The following DIMT1 variants were observed in gnomAD, a reference collection of about 807,000 sequenced individuals.
The protein encoded by DIMT1 is DIM1 rRNA methyltransferase and ribosome maturation factor, also known as dimethyladenosine transferase.
Under a neutral mutation model 43.2 loss-of-function variants are expected in DIMT1, and 36 were observed. That is an observed-to-expected ratio of 0.83 (90% CI 0.64 to 1.10). The LOEUF is 1.10. DIMT1 is among the 50% of genes least tolerant of loss of function. DIMT1 has a pLI of 0.00. For missense variants in DIMT1, 341 were observed against 385.3 expected (o/e 0.88, Z 0.96); for synonymous variants, 126 against 130.3 (o/e 0.97, Z 0.22).
At chr5:62,393,631 T>G (rs770417259) in intron 8 of DIMT1, among the ~76,000 whole-genome samples, 6 of 152,178 alleles carry the variant, frequency 3.9e-5, no homozygotes, top group Non-Finnish European at 8.8e-5. Flanking sequence ...TCAAGTGGTC[T>G]TCTTTCTTGT....
At chr5:62,399,968 G>C (rs1195560346) in intron 3 of DIMT1, among the ~76,000 whole-genome samples, 1 of 152,026 alleles carries the variant, frequency 6.6e-6, no homozygotes, top group Non-Finnish European at 1.5e-5. Context: ...GATTATGTGA[G>C]AGTTCTACTC....
chr5:62,392,253 A>G lies in DIMT1; in HGVS notation c.729-19T>C, dbSNP rs748522701. 2.4e-5 allele frequency: 39 copies of G among 1,604,670 alleles called. 1 individual carries two copies. The highest frequency in any genetic ancestry group is 2.7e-5 in the Non-Finnish European group (32 of 1,175,750). ...ACTTGATCTATAGCATAAAGAAGTGATGCCACTGTTATTATTCCAAAGTCA... is the reference window on the plus strand; with the variant it reads ...ACTTGATCTATAGCATAAAGAAGTGGTGCCACTGTTATTATTCCAAAGTCA... On this transcript the variant is annotated intron_variant, in intron 9 of 11. Transcript: ENST00000199320.
At position 62,403,826 on chromosome 5, in the gene DIMT1, C is replaced by T; in HGVS notation, c.-54G>A. 1.3e-6 allele frequency: 2 copies of T among 1,570,282 alleles called. No individual in the cohort carries two copies. The highest frequency in any genetic ancestry group is 1.7e-6 in the Non-Finnish European group (2 of 1,154,202). ...GGACGTCAAGGAGGACCAAAGAGGG[C>T]TAGCGTGAGAAAGCCACCACGTGGG... On this transcript the variant is annotated 5_prime_UTR_variant, in exon 1 of 12. Transcript: ENST00000199320.
At chr5:62,394,416 A>T in intron 7 of DIMT1, 68 bp downstream of exon 7, 3 of 1,549,376 alleles carry the variant, frequency 1.9e-6, no homozygotes, top group Non-Finnish European at 2.7e-6. Context: ...GAGCCACTGC[A>T]CTGCAGCCTG....
At chr5:62,389,920 T>C (rs1048707803) in intron 11 of DIMT1, among the ~76,000 whole-genome samples, 5 of 152,188 alleles carry the variant, frequency 3.3e-5, no homozygotes, top group African/African-American at 1.2e-4. Flanking sequence ...GGCTGGCCCA[T>C]AGAAACAGGT....
intron 6 of DIMT1, among the ~76,000 whole-genome samples, chr5:62,396,652 T>C (rs1018517208): frequency 4.6e-5 from 7 of 152,152 alleles, no homozygotes; most frequent in African/African-American, 9.7e-5. Flanking sequence ...TGGGGAAGCT[T>C]TCCCAGGAGT....
At chr5:62,397,657 T>A (rs1038704413) in intron 6 of DIMT1, among the ~76,000 whole-genome samples, 14 of 152,212 alleles carry the variant, frequency 9.2e-5, no homozygotes, top group African/African-American at 2.7e-4. Flanking sequence ...ATAAACTTTT[T>A]TTTTTTTTTG....
intron 11 of DIMT1, among the ~76,000 whole-genome samples, chr5:62,389,389 G>A (rs1287028521): frequency 6.7e-6 from 1 of 149,626 alleles, no homozygotes; most frequent in Non-Finnish European, 1.5e-5. Context: ...GGGTGGTTGA[G>A]GCAGGAGATT....
rs562615912 is a variant in DIMT1, at chr5:62,394,360, C to T, written c.570+124G>A. 1,808 of 1,050,706 alleles carry T rather than the reference C, an allele frequency of 1.7e-3. No individual in the cohort carries two copies. The highest frequency in any genetic ancestry group is 2.3e-3 in the Non-Finnish European group (1,593 of 706,468). 65.1% of individuals were successfully genotyped at this position (1,050,706 alleles called of 1,614,324 possible). On this transcript the variant is annotated intron_variant, in intron 7 of 11. Coordinates refer to ENST00000199320, the MANE Select transcript of DIMT1 (RefSeq NM_014473.4). ...ACGCACACCTCTAGTCCCAGCTACTCGGGACTCGAGAAGATTGCTTGAGTA... is the reference window on the plus strand; with the variant it reads ...ACGCACACCTCTAGTCCCAGCTACTTGGGACTCGAGAAGATTGCTTGAGTA...
At chr5:62,390,723 C>T (rs1314958416) in intron 11 of DIMT1, among the ~76,000 whole-genome samples, 153 bp downstream of exon 11, 1 of 152,182 alleles carries the variant, frequency 6.6e-6, no homozygotes, top group Admixed American at 6.5e-5. Context: ...TAGCCTCCAT[C>T]TTCTACACCA....
Position 62,394,470 on chromosome 5 carries a change from C to G in DIMT1, c.570+14G>C. ...TATCTCAGAAAAAAGAGAAAGAAAA[C>G]AAAATTCACTTACTTTCATTAGATG... On this transcript the variant is annotated intron_variant, in intron 7 of 11. Coordinates refer to ENST00000199320, the MANE Select transcript of DIMT1 (RefSeq NM_014473.4). The G allele has an allele frequency of 6.2e-7, 1 of 1,613,616 alleles. No individual in the cohort carries two copies. Among genetic ancestry groups the G allele is most frequent in the Non-Finnish European group, 8.5e-7 (1 of 1,179,704 alleles).
intron 3 of DIMT1, 48 bp from the exon 4 acceptor site, chr5:62,398,929 ATCT>A: frequency 7.2e-7 from 1 of 1,392,840 alleles, no homozygotes; most frequent in Non-Finnish European, 9.9e-7. Context: ...TGGAATATAA[ATCT>A]TTTATTGTTA....
chr5:62,389,163 GCC>G (rs1742175195), intron 11 of DIMT1, 111 bp from the exon 12 acceptor site: 1 of 903,440 alleles, frequency 1.1e-6, no homozygotes, highest in Admixed American at 2.7e-5. Flanking sequence ...TGCTTACAGA[GCC>G]CACCCACTCC....
intron 6 of DIMT1, 137 bp downstream of exon 6, chr5:62,398,374 C>T: frequency 1.2e-6 from 1 of 816,594 alleles, no homozygotes; most frequent in South Asian, 1.7e-5. Flanking sequence ...GAGAGAAAGA[C>T]CTCCATACAA....
At chr5:62,389,304 GGTGAAACCCC>G (rs1370698803) in intron 11 of DIMT1, among the ~76,000 whole-genome samples, 1 of 151,802 alleles carries the variant, frequency 6.6e-6, no homozygotes, top group Non-Finnish European at 1.5e-5. Flanking sequence ...TGGCCAACAT[GGTGAAACCCC>G]GTCTCTACTA....
intron 9 of DIMT1, chr5:62,392,712 G>A (rs1742352634): frequency 2.3e-6 from 1 of 434,540 alleles, no homozygotes. Context: ...TTCCTGTTTT[G>A]CCAAAAAATG....
chr5:62,401,580 C>CTT lies in DIMT1; in HGVS notation c.240+454_240+455dup, dbSNP rs1156327743. On this transcript the variant is annotated intron_variant, in intron 3 of 11. Transcript: ENST00000199320. ...CCTCACTGAAATATCTCATATTTTC[C>CTT]TTTTTTTTTTTTTTTTTTTTTGAGA... Among the ~76,000 whole-genome samples, 258 of 104,414 alleles carry CTT rather than the reference C, an allele frequency of 2.5e-3. 4 individuals are homozygous for CTT. The highest frequency in any genetic ancestry group is 2.7e-3 in the Admixed American group (23 of 8,452). The allele number at this position is 104,414 out of a possible 152,430, so 68.5% of individuals were successfully genotyped here. A position where few individuals can be genotyped will look rare whatever the true frequency, so the allele number is the denominator to read the frequency against.
intron 10 of DIMT1, chr5:62,391,821 C>T: frequency 7.0e-7 from 1 of 1,425,942 alleles, no homozygotes; most frequent in Non-Finnish European, 9.1e-7. Context: ...GGTCACAATT[C>T]AGAGGACAGT....
intron 11 of DIMT1, among the ~76,000 whole-genome samples, chr5:62,390,527 G>C (rs1280062933): frequency 6.6e-6 from 1 of 152,110 alleles, no homozygotes; most frequent in Non-Finnish European, 1.5e-5. Flanking sequence ...CTACCTTATG[G>C]ACTATTTTGG....
Sources: gnomAD v4.1 joint callset for allele counts (sites outside exome capture counted in the v4.1 genomes callset) on GRCh38, gnomAD v4.1.1 for gene constraint, MANE v1.5 for transcripts, NCBI Gene and HGNC (gene_info 2026-07-23, HGNC 2026-07-21) for gene names.